The following PEX7 variants were observed in gnomAD, a reference collection of about 807,000 sequenced individuals.
PEX7 encodes the protein peroxisomal biogenesis factor 7, also known as PTS2 receptor.
A neutral mutation model predicts 47.5 loss-of-function variants in PEX7; 34 were observed. That is an observed-to-expected ratio of 0.72 (90% CI 0.54 to 0.95). The LOEUF is 0.95. PEX7 is among the 40% of genes least tolerant of loss of function. PEX7 has a pLI of 0.00. For missense variants in PEX7, 394 were observed against 400.3 expected, an observed-to-expected ratio of 0.98 and a Z score of 0.13; for synonymous variants, 141 against 148.8, an observed-to-expected ratio of 0.95 and a Z score of 0.38.
intron 3 of PEX7, among the ~76,000 whole-genome samples, chr6:136,838,198 C>T (rs998809256): frequency 6.6e-6 from 1 of 152,050 alleles, no homozygotes; most frequent in Admixed American, 6.6e-5. Context: ...CTTAGGATCA[C>T]TAAAAGTGGG....
chr6:136,826,557 C>T, intron 3 of PEX7, 88 bp downstream of exon 3: 1 of 1,454,190 alleles, frequency 6.9e-7, no homozygotes, highest in Non-Finnish European at 9.6e-7. Context: ...GGAGAAATAT[C>T]TTCAGGGGAC....
chr6:136,837,361 C>CAAAAAAA lies in PEX7; in HGVS notation c.340-8246_340-8240dup, dbSNP rs58922622. ...TGGGCGACAGAGTGAGAGTCTGTCA[C>CAAAAAAA]AAAAAAAAAAAAAAGAAACTGAAAG... On this transcript the variant is annotated intron_variant, in intron 3 of 9. Coordinates refer to ENST00000318471, the MANE Select transcript of PEX7 (RefSeq NM_000288.4). Among the ~76,000 whole-genome samples, 45 of 83,462 alleles carry CAAAAAAA rather than the reference C, an allele frequency of 5.4e-4. 2 individuals carry two copies. The highest frequency in any genetic ancestry group is 0.016 in the Middle Eastern group (2 of 126). The allele number at this position is 83,462 out of a possible 152,430, so 54.8% of individuals were successfully genotyped here.
At chr6:136,910,142 C>G (rs1005441925) in intron 9 of PEX7, among the ~76,000 whole-genome samples, 9 of 152,324 alleles carry the variant, frequency 5.9e-5, no homozygotes, top group Middle Eastern at 3.4e-3. Context: ...AGCTCTGCTA[C>G]TCTATTGTGA....
rs1458238608 is a variant in PEX7, at chr6:136,887,339, C to G, written c.804-10803C>G. On this transcript the variant is annotated intron_variant, in intron 8 of 9. Transcript: ENST00000318471. Reference sequence around the variant, plus strand: ...CTTAACCTCCCTGAGCCTTTGTTTCCTCAGTCATAAGATGTACTGCTACGA... The same window carrying G: ...CTTAACCTCCCTGAGCCTTTGTTTCGTCAGTCATAAGATGTACTGCTACGA... 2.6e-5 allele frequency among the ~76,000 whole-genome samples: 4 copies of G among 151,870 alleles called. 1 individual carries two copies. The highest frequency in any genetic ancestry group is 3.9e-4 in the East Asian group (2 of 5,192).
At chr6:136,852,965 A>C (rs370830489) in intron 5 of PEX7, among the ~76,000 whole-genome samples, 1,721 of 128,664 alleles carry the variant, frequency 0.013, 51 homozygotes, top group African/African-American at 0.05. Context: ...AAACAGAGAT[A>C]TAGATCAATG....
intron 3 of PEX7, among the ~76,000 whole-genome samples, chr6:136,842,353 C>T (rs1424672623): frequency 6.6e-6 from 1 of 152,206 alleles, no homozygotes; most frequent in South Asian, 2.1e-4. Flanking sequence ...CTATCTTTAG[C>T]TCTGTCATAG....
At chr6:136,870,753 C>A in intron 7 of PEX7, 1 of 408,346 alleles carries the variant, frequency 2.4e-6, no homozygotes, top group South Asian at 1.7e-5. Flanking sequence ...CCCTGTCACC[C>A]AGACACGATC....
chr6:136,867,345 G>A (rs1441431924), intron 6 of PEX7, among the ~76,000 whole-genome samples: 3 of 152,050 alleles, frequency 2.0e-5, no homozygotes, highest in African/African-American at 4.8e-5. Flanking sequence ...GACAGGGCCC[G>A]TAAGATATAA....
intron 8 of PEX7, among the ~76,000 whole-genome samples, chr6:136,877,249 T>G (rs1220940861): frequency 6.6e-6 from 1 of 152,136 alleles, no homozygotes; most frequent in East Asian, 1.9e-4. Flanking sequence ...AAAAATTTTC[T>G]CCCATTCTGT....
chr6:136,899,028 A>G (rs2115274436), intron 9 of PEX7, among the ~76,000 whole-genome samples: 1 of 151,428 alleles, frequency 6.6e-6, no homozygotes, highest in East Asian at 1.9e-4. Context: ...CCCACTTCAC[A>G]TTAATGTGTT....
chr6:136,907,554 G>A (rs532097473), intron 9 of PEX7, among the ~76,000 whole-genome samples: 3 of 151,978 alleles, frequency 2.0e-5, no homozygotes, highest in Non-Finnish European at 4.4e-5. Flanking sequence ...AAGAGGCCAT[G>A]TGTCATAAAG....
At chr6:136,822,843 G>GGGGCCGGGGCCA in intron 1 of PEX7, 48 bp downstream of exon 1, 1 of 1,119,092 alleles carries the variant, frequency 8.9e-7, no homozygotes, top group Non-Finnish European at 1.1e-6. Context: ...GGCGGAGGCG[G>GGGGCCGGGGCCA]GGGCCAGCCG....
At chr6:136,846,467 A>G (rs991420018) in intron 5 of PEX7, among the ~76,000 whole-genome samples, 4 of 152,104 alleles carry the variant, frequency 2.6e-5, no homozygotes, top group Non-Finnish European at 5.9e-5. Flanking sequence ...TACATTGGAT[A>G]TATCTCCTAA....
At chr6:136,878,860 TTG>T (rs548229878) in intron 8 of PEX7, among the ~76,000 whole-genome samples, 3 of 130,818 alleles carry the variant, frequency 2.3e-5, no homozygotes, top group African/African-American at 8.6e-5. Context: ...TGCTTTTTTG[TTG>T]TGTTTTTTTC....
rs1774197075 is a variant in PEX7 at position 136,826,567 on chromosome 6, C to T, written c.339+98C>T. On this transcript the variant is annotated intron_variant, in intron 3 of 9. Transcript: ENST00000318471. ...CACATGGAGAAATATCTTCAGGGGA[C>T]AAGTTTAAACGTTAGCATTTCTTAT... 2.9e-6 allele frequency: 4 copies of T among 1,371,804 alleles called. No homozygotes were observed. In the African/African-American group the frequency reaches 4.3e-5, roughly 15 times the overall value. 85.0% of individuals were successfully genotyped at this position (1,371,804 alleles called of 1,614,324 possible). A position where few individuals can be genotyped will look rare whatever the true frequency, so the allele number is the denominator to read the frequency against.
intron 6 of PEX7, among the ~76,000 whole-genome samples, chr6:136,868,465 C>A (rs1277485227): frequency 6.6e-6 from 1 of 151,846 alleles, no homozygotes; most frequent in African/African-American, 2.4e-5. Context: ...ATTACTCAAT[C>A]TAAACATTTC....
In PEX7 at chr6:136,887,678, G is replaced by A. The variant is rs1033092560; in HGVS notation, c.804-10464G>A. On this transcript the variant is annotated intron_variant, in intron 8 of 9. Transcript: ENST00000318471. ...TTGGTAAACTAGACAAAGGACATAC[G>A]GGTGTTCATTTTATTCTTTGAGGTT... 5.9e-5 allele frequency among the ~76,000 whole-genome samples: 9 copies of A among 152,076 alleles called. No homozygotes were observed. The South Asian group carries it at 1.4e-3, about 24-fold the overall frequency.
chr6:136,875,843 G>A (rs544350617), intron 8 of PEX7, among the ~76,000 whole-genome samples: 1 of 152,104 alleles, frequency 6.6e-6, no homozygotes, highest in African/African-American at 2.4e-5. Flanking sequence ...TGTGTTTCTG[G>A]TATGTAGATA....
chr6:136,887,802 G>A (rs965161469), intron 8 of PEX7, among the ~76,000 whole-genome samples: 10 of 152,248 alleles, frequency 6.6e-5, no homozygotes, highest in African/African-American at 2.2e-4. Context: ...TCTAGTTAAT[G>A]TTATTATTTA....
Sources: gnomAD v4.1 joint callset for allele counts (sites outside exome capture counted in the v4.1 genomes callset) on GRCh38, gnomAD v4.1.1 for gene constraint, MANE v1.5 for transcripts, NCBI Gene and HGNC (gene_info 2026-07-23, HGNC 2026-07-21) for gene names.